Variants in CNBD1 observed in about 807,000 individuals in gnomAD.
CNBD1 encodes the protein cyclic nucleotide binding domain containing 1.
In CNBD1, 71 loss-of-function variants were observed where a neutral mutation model predicts 54.4. The ratio of observed to expected loss-of-function variants is 1.30; its 90% CI spans 1.08 to 1.59. The LOEUF (loss-of-function observed/expected upper bound fraction) is 1.59, where lower values mean the gene tolerates loss of function less well. CNBD1 is among the 40% of genes most tolerant of loss of function. The probability of loss-of-function intolerance (pLI) is 0.00; values close to 1 mark genes in which losing one functional copy is unlikely to be tolerated. For missense variants in CNBD1, 659 were observed against 518.0 expected, an observed-to-expected ratio of 1.27 and a Z score of -2.64; for synonymous variants, 182 against 170.7, an observed-to-expected ratio of 1.07 and a Z score of -0.51.
chr8:86,883,729 TGAA>T (rs917139864), intron 1 of CNBD1, among the ~76,000 whole-genome samples: 1 of 152,092 alleles, frequency 6.6e-6, no homozygotes, highest in African/African-American at 2.4e-5. Context: ...TCAAAAAATA[TGAA>T]GAAGATTAAT....
intron 6 of CNBD1, among the ~76,000 whole-genome samples, chr8:87,244,207 C>T (rs1807758014): frequency 6.6e-6 from 1 of 152,108 alleles, no homozygotes; most frequent in Non-Finnish European, 1.5e-5. Flanking sequence ...AGGGAGGGGG[C>T]TTCCAGGTCA....
intron 3 of CNBD1, among the ~76,000 whole-genome samples, chr8:86,922,864 AAG>A (rs1322494064): frequency 6.6e-6 from 1 of 152,128 alleles, no homozygotes; most frequent in Non-Finnish European, 1.5e-5. Flanking sequence ...TTCAGAGAAA[AAG>A]AGGACAGGAA....
chr8:87,007,199 G>GAAA (rs374673686), intron 4 of CNBD1, among the ~76,000 whole-genome samples: 1 of 116,170 alleles, frequency 8.6e-6, no homozygotes, highest in Non-Finnish European at 1.8e-5. Flanking sequence ...CTCCATCTCA[G>GAAA]AAAAAAAAAA....
intron 4 of CNBD1, among the ~76,000 whole-genome samples, chr8:86,983,112 A>G (rs1231135887): frequency 6.6e-6 from 1 of 152,104 alleles, no homozygotes; most frequent in Non-Finnish European, 1.5e-5. Context: ...GAATTCTCAC[A>G]TGTTATGAGA....
intron 2 of CNBD1, among the ~76,000 whole-genome samples, chr8:87,392,118 C>G (rs1208094357): frequency 6.6e-6 from 1 of 151,900 alleles, no homozygotes; most frequent in Non-Finnish European, 1.5e-5. Context: ...GATTTCATAC[C>G]TACTATTTTG....
intron 10 of CNBD1, among the ~76,000 whole-genome samples, chr8:87,379,302 G>C (rs1340040104): frequency 1.3e-5 from 2 of 151,894 alleles, no homozygotes; most frequent in East Asian, 3.9e-4. Flanking sequence ...ACACCCCACT[G>C]TCAACATTAG....
intron 2 of CNBD1, among the ~76,000 whole-genome samples, chr8:87,398,046 G>T (rs150557219): frequency 6.6e-6 from 1 of 151,524 alleles, no homozygotes; most frequent in Admixed American, 6.6e-5. Context: ...GCTCAGTCTC[G>T]GGTATATCTT....
chr8:87,425,927 G>A (rs1346894307), intron 2 of CNBD1, among the ~76,000 whole-genome samples: 1 of 152,162 alleles, frequency 6.6e-6, no homozygotes, highest in Admixed American at 6.5e-5. Flanking sequence ...CCTCACTGCT[G>A]CCTTGCAGTT....
intron 3 of CNBD1, among the ~76,000 whole-genome samples, chr8:86,915,010 G>A (rs1005699393): frequency 5.9e-5 from 9 of 152,270 alleles, no homozygotes; most frequent in East Asian, 3.9e-4. Context: ...TTTAATACAC[G>A]CAGAGCCACC....
rs1366933268 is a variant in CNBD1, at chr8:86,867,216, C to T, written c.88+633C>T. 8.8e-5 allele frequency among the ~76,000 whole-genome samples: 13 copies of T among 148,528 alleles called. No individual in the cohort carries two copies. The East Asian group carries it at 1.4e-3, about 15-fold the overall frequency. ...GATTGTAAACACTTCTCATGGCCAT[C>T]GAATTTATAAGATCTATTATTTGAA... On this transcript the variant is annotated intron_variant, in intron 1 of 10. Coordinates refer to ENST00000518476, the MANE Select transcript of CNBD1 (RefSeq NM_173538.3).
intron 2 of CNBD1, among the ~76,000 whole-genome samples, chr8:87,428,080 G>T: frequency 6.6e-6 from 1 of 150,410 alleles, no homozygotes; most frequent in East Asian, 1.9e-4. Flanking sequence ...TTATCTACCT[G>T]CTCTTGGTTT....
chr8:87,323,979 C>G lies in CNBD1; in HGVS notation c.1043-27706C>G, dbSNP rs970710701. ...CTTATTATTTTGAAATACGTCCCATCAATACCTAATTTATTGAGAGTTTTT... is the reference window on the plus strand; with the variant it reads ...CTTATTATTTTGAAATACGTCCCATGAATACCTAATTTATTGAGAGTTTTT... On this transcript the variant is annotated intron_variant, in intron 8 of 10. Coordinates refer to ENST00000518476, the MANE Select transcript of CNBD1 (RefSeq NM_173538.3). 1.4e-4 allele frequency among the ~76,000 whole-genome samples: 19 copies of G among 136,732 alleles called. 1 individual carries two copies. The highest frequency in any genetic ancestry group is 3.5e-4 in the African/African-American group (13 of 36,772). 89.7% of individuals were successfully genotyped at this position (136,732 alleles called of 152,430 possible). A position where few individuals can be genotyped will look rare whatever the true frequency, so the allele number is the denominator to read the frequency against.
At chr8:87,283,111 C>T (rs1808627773) in intron 6 of CNBD1, among the ~76,000 whole-genome samples, 1 of 151,982 alleles carries the variant, frequency 6.6e-6, no homozygotes, top group African/African-American at 2.4e-5. Flanking sequence ...TTCTTATTTC[C>T]ATTTCTTCTA....
At chr8:86,880,345 A>C (rs1024436600) in intron 1 of CNBD1, among the ~76,000 whole-genome samples, 3 of 151,904 alleles carry the variant, frequency 2.0e-5, no homozygotes, top group African/African-American at 7.3e-5. Flanking sequence ...AAAAATAAAA[A>C]AAAACGTAAT....
Position 86,991,400 on chromosome 8 carries a change from C to G in CNBD1, c.431+51646C>G, listed in dbSNP as rs557498672. Among the ~76,000 whole-genome samples, 89 of 152,204 alleles carry G rather than the reference C, an allele frequency of 5.8e-4. 1 individual carries two copies. The highest frequency in any genetic ancestry group is 1.0e-3 in the South Asian group (5 of 4,830). On this transcript the variant is annotated intron_variant, in intron 4 of 10. Transcript: ENST00000518476. ...TGACACACACTCTCTCTGTCTCTCT[C>G]TCTCTCTCTCTTTTGTTAATCTAGT...
At chr8:87,235,050 T>C (rs139072329) in intron 5 of CNBD1, among the ~76,000 whole-genome samples, 2 of 152,190 alleles carry the variant, frequency 1.3e-5, no homozygotes, top group African/African-American at 2.4e-5. Context: ...TTAAACCTCA[T>C]GAACCAAACT....
chr8:87,356,106 A>G (rs1810415087), intron 10 of CNBD1, among the ~76,000 whole-genome samples: 1 of 152,014 alleles, frequency 6.6e-6, no homozygotes, highest in Non-Finnish European at 1.5e-5. Context: ...TGCTTGTTAG[A>G]CCCTGGCAAA....
At chr8:86,869,037 C>T (rs529659813) in intron 1 of CNBD1, among the ~76,000 whole-genome samples, 12 of 152,232 alleles carry the variant, frequency 7.9e-5, no homozygotes, top group African/African-American at 2.9e-4. Context: ...TTCAGGCAGC[C>T]TCTAGAAGCA....
chr8:87,132,577 T>G (rs1812139933), intron 4 of CNBD1, among the ~76,000 whole-genome samples: 1 of 148,932 alleles, frequency 6.7e-6, no homozygotes, highest in African/African-American at 2.4e-5. Flanking sequence ...ATTTTGGAAG[T>G]TTCTCACCAC....
Sources: allele counts gnomAD v4.1 joint callset (sites outside exome capture counted in the v4.1 genomes callset), GRCh38; gene constraint gnomAD v4.1.1; transcripts MANE v1.5; gene names NCBI Gene and HGNC (gene_info 2026-07-23, HGNC 2026-07-21).